Variants in SLC44A5 observed in about 807,000 individuals in gnomAD.
SLC44A5 encodes solute carrier family 44 member 5.
Under a neutral mutation model 101.8 loss-of-function variants are expected in SLC44A5, and 57 were observed. That is an observed-to-expected ratio of 0.56 (90% confidence interval 0.45 to 0.70). The LOEUF (loss-of-function observed/expected upper bound fraction) is 0.70, where lower values mean the gene tolerates loss of function less well. Ranked by LOEUF, SLC44A5 falls within the 30% of genes least tolerant of loss-of-function variation. SLC44A5 has a pLI of 0.00. For synonymous variants in SLC44A5, 281 were observed against 290.9 expected (o/e 0.97, Z 0.35); for missense variants, 737 against 853.1 (o/e 0.86, Z 1.70).
chr1:75,376,574 A>T lies in SLC44A5; in HGVS notation c.52+20009T>A, dbSNP rs572170052. 3.2e-4 allele frequency among the ~76,000 whole-genome samples: 48 copies of T among 152,264 alleles called. 1 individual carries two copies. The highest frequency in any genetic ancestry group is 1.1e-3 in the African/African-American group (46 of 41,552). On this transcript the variant is annotated intron_variant, in intron 3 of 23. Coordinates refer to ENST00000370859, the MANE Select transcript of SLC44A5 (RefSeq NM_001130058.2). The stretch of plus-strand genomic sequence containing the variant: ...GGCACCCCCCAGCAGGGGCACACTG[A>T]CACCTCACACGGCAGGGTACTCCAA...
At chr1:75,721,971 C>T in the SLC44A5 span, among the ~76,000 whole-genome samples, 2 of 151,978 alleles carry the variant, frequency 1.3e-5, no homozygotes, top group Non-Finnish European at 2.9e-5. Flanking sequence ...ATAATAGTAG[C>T]GAATAATTGT....
intron 1 of SLC44A5, among the ~76,000 whole-genome samples, chr1:75,574,716 C>T (rs906881866): frequency 2.0e-5 from 3 of 152,182 alleles, no homozygotes; most frequent in African/African-American, 7.2e-5. Context: ...TGATTCTGTC[C>T]TCTCTTTGGT....
intron 2 of SLC44A5, among the ~76,000 whole-genome samples, chr1:75,452,023 G>A (rs541091565): frequency 6.6e-6 from 1 of 152,192 alleles, no homozygotes; most frequent in East Asian, 1.9e-4. Flanking sequence ...AGAGAGGGAG[G>A]CATCCAGATA....
At chr1:75,238,869 A>ATCTGGT (rs1648366787) in intron 9 of SLC44A5, among the ~76,000 whole-genome samples, 1 of 152,096 alleles carries the variant, frequency 6.6e-6, no homozygotes, top group South Asian at 2.1e-4. Context: ...ATTATTTTAC[A>ATCTGGT]TCTGGTATAT....
chr1:75,699,227 G>A, the SLC44A5 span, among the ~76,000 whole-genome samples: 1 of 151,960 alleles, frequency 6.6e-6, no homozygotes, highest in East Asian at 1.9e-4. Flanking sequence ...TGAAATGAAG[G>A]AAAAAATGTT....
intron 1 of SLC44A5, among the ~76,000 whole-genome samples, chr1:75,563,878 C>A (rs1357837781): frequency 6.6e-6 from 1 of 151,934 alleles, no homozygotes; most frequent in Admixed American, 6.6e-5. Context: ...TAAAGCAAAT[C>A]GTAAGAACTG....
At chr1:75,490,897 G>A (rs1288000196) in intron 2 of SLC44A5, among the ~76,000 whole-genome samples, 1 of 151,598 alleles carries the variant, frequency 6.6e-6, no homozygotes, top group Non-Finnish European at 1.5e-5. Context: ...TACTTATTCT[G>A]CTTATTATTA....
intron 17 of SLC44A5, 122 bp from the exon 18 acceptor site, chr1:75,218,082 C>T: frequency 1.5e-6 from 1 of 682,074 alleles, no homozygotes; most frequent in South Asian, 1.9e-5. Flanking sequence ...GAGACTTTTG[C>T]ACTCTCTTAT....
chr1:75,692,238 G>T, the SLC44A5 span, among the ~76,000 whole-genome samples: 1 of 130,352 alleles, frequency 7.7e-6, no homozygotes, highest in Non-Finnish European at 1.6e-5. Context: ...CTGTTGCCCA[G>T]GCTGGAATGC....
intron 2 of SLC44A5, among the ~76,000 whole-genome samples, chr1:75,515,299 ACT>A (rs1016173672): frequency 6.6e-6 from 1 of 152,062 alleles, no homozygotes; most frequent in African/African-American, 2.4e-5. Context: ...TTTGAACTTT[ACT>A]CTTAGCAATT....
chr1:75,209,918 C>T (rs946581785), intron 23 of SLC44A5, among the ~76,000 whole-genome samples: 15 of 152,118 alleles, frequency 9.9e-5, no homozygotes, highest in African/African-American at 3.4e-4. Flanking sequence ...AAGTTCTGCT[C>T]TTTTACTTAC....
intron 1 of SLC44A5, among the ~76,000 whole-genome samples, chr1:75,587,261 T>C (rs79295697): frequency 6.6e-6 from 1 of 152,250 alleles, no homozygotes; most frequent in African/African-American, 2.4e-5. Flanking sequence ...CCTTCTCCCA[T>C]CACCCTCCTA....
chr1:75,564,603 T>TTTTATCTATTTATTTATTTA (rs1672691333), intron 1 of SLC44A5, among the ~76,000 whole-genome samples: 1 of 138,042 alleles, frequency 7.2e-6, no homozygotes, highest in Non-Finnish European at 1.5e-5. Context: ...TTTTTTTAAT[T>TTTTATCTATTTATTTATTTA]TTTATTTATT....
chr1:75,202,637 A>G lies in SLC44A5; in HGVS notation c.*1090T>C, dbSNP rs994831142. The G allele has an allele frequency of 1.3e-5, 2 of 152,192 alleles. No individual in the cohort carries two copies. Among genetic ancestry groups the G allele is most frequent in the Admixed American group, 6.5e-5 (1 of 15,270 alleles). The allele number at this position is 152,192 out of a possible 1,614,324, so 9.4% of individuals were successfully genotyped here. A position where few individuals can be genotyped will look rare whatever the true frequency, so the allele number is the denominator to read the frequency against. On this transcript the variant is annotated 3_prime_UTR_variant, in exon 24 of 24. Transcript: ENST00000370859. The stretch of plus-strand genomic sequence containing the variant: ...ACCAAAAGTTAGAAAATGAAGTGGC[A>G]TATATAGAACAGGCTTTGATGAAAA...
At chr1:75,499,534 C>G (rs1380289218) in intron 2 of SLC44A5, among the ~76,000 whole-genome samples, 1 of 152,108 alleles carries the variant, frequency 6.6e-6, no homozygotes, top group Non-Finnish European at 1.5e-5. Context: ...AGGTGTTCAC[C>G]CAATTATGAA....
the SLC44A5 span, chr1:75,641,975 G>A: frequency 6.4e-7 from 1 of 1,571,576 alleles, no homozygotes; most frequent in South Asian, 1.1e-5. Context: ...TTCTGGTGGA[G>A]AATCATCTTC....
the SLC44A5 span, among the ~76,000 whole-genome samples, chr1:75,630,196 A>G: frequency 6.6e-6 from 1 of 152,096 alleles, no homozygotes; most frequent in African/African-American, 2.4e-5. Flanking sequence ...CTGACTCTGT[A>G]GGGTGCCTTT....
At chr1:75,551,547 G>A (rs887657102) in intron 1 of SLC44A5, among the ~76,000 whole-genome samples, 3 of 152,020 alleles carry the variant, frequency 2.0e-5, no homozygotes, top group South Asian at 2.1e-4. Flanking sequence ...TCATAGAGAC[G>A]TCTAAATTGA....
At chr1:75,349,735 T>C (rs1658502268) in intron 3 of SLC44A5, among the ~76,000 whole-genome samples, 1 of 152,124 alleles carries the variant, frequency 6.6e-6, no homozygotes, top group Non-Finnish European at 1.5e-5. Flanking sequence ...CTTGTGGGGT[T>C]AAATAAAATG....
Sources: gnomAD v4.1 joint callset for allele counts (sites outside exome capture counted in the v4.1 genomes callset) on GRCh38, gnomAD v4.1.1 for gene constraint, MANE v1.5 for transcripts, NCBI Gene and HGNC (gene_info 2026-07-23, HGNC 2026-07-21) for gene names.